The following PKIG variants were observed in gnomAD, a reference collection of about 807,000 sequenced individuals.
PKIG encodes cAMP-dependent protein kinase inhibitor gamma.
In PKIG, 1 loss-of-function variant was observed where a neutral mutation model predicts 6.8. That is an observed-to-expected ratio of 0.15 (90% CI 0.05 to 0.69). The LOEUF (loss-of-function observed/expected upper bound fraction) is 0.69. PKIG is among the 30% of genes least tolerant of loss of function. PKIG has a pLI of 0.82. For missense variants in PKIG, 77 were observed against 104.0 expected (o/e 0.74, Z 1.13); for synonymous variants, 39 against 43.0 (o/e 0.91, Z 0.36).
chr20:44,533,135 T>A (rs1010499636), intron 1 of PKIG, among the ~76,000 whole-genome samples: 3 of 152,214 alleles, frequency 2.0e-5, no homozygotes, highest in Non-Finnish European at 4.4e-5. Context: ...CATCTGTTTT[T>A]CACTTTGCAG....
At chr20:44,544,689 G>A (rs1157270461) in intron 1 of PKIG, among the ~76,000 whole-genome samples, 2 of 152,152 alleles carry the variant, frequency 1.3e-5, no homozygotes, top group Non-Finnish European at 2.9e-5. Context: ...ATTCTTACTT[G>A]TGAAGAAGGC....
chr20:44,537,903 T>TGG lies in PKIG; in HGVS notation c.-241+5925_-241+5926insGG, dbSNP rs1255735993. Reference sequence around the variant, plus strand: ...ACCCAGCCATCCTGTAAATATACTTTCTGACTTTAGTAGGAGAAGTATGAA... The same window carrying TGG: ...ACCCAGCCATCCTGTAAATATACTTTGGCTGACTTTAGTAGGAGAAGTATGAA... On this transcript the variant is annotated intron_variant, in intron 1 of 4. Coordinates refer to the PKIG transcript ENST00000372887. Among the ~76,000 whole-genome samples the TGG allele has an allele frequency of 1.3e-3, 192 of 152,252 alleles. 5 individuals are homozygous for TGG. In the East Asian group the frequency reaches 0.034, roughly 27 times the overall value.
At chr20:44,535,727 C>T (rs372830380) in intron 1 of PKIG, among the ~76,000 whole-genome samples, 1 of 152,140 alleles carries the variant, frequency 6.6e-6, no homozygotes, top group African/African-American at 2.4e-5. Flanking sequence ...GATTACGGTA[C>T]AGTATGTTAC....
At position 44,576,336 on chromosome 20, in the gene PKIG, C is replaced by T. The variant is rs74783293; in HGVS notation, c.-240-6249C>T. On this transcript the variant is annotated intron_variant, in intron 1 of 4. Coordinates refer to the PKIG transcript ENST00000372887. ...CAGTCTGGTGGGGAAACACATGGAA[C>T]GTGTACTTATAAATATGTTAAGGGT... 9.8e-3 allele frequency among the ~76,000 whole-genome samples: 1,488 copies of T among 152,022 alleles called. 10 individuals are homozygous for T. The highest frequency in any genetic ancestry group is 0.016 in the Non-Finnish European group (1,064 of 68,004).
intron 2 of PKIG, among the ~76,000 whole-genome samples, chr20:44,593,930 A>G (rs2065055105): frequency 6.6e-6 from 1 of 152,216 alleles, no homozygotes; most frequent in African/African-American, 2.4e-5. Context: ...TCATACCCTG[A>G]GCTGTTGTGT....
At chr20:44,551,533 T>G (rs2064668590) in intron 1 of PKIG, among the ~76,000 whole-genome samples, 1 of 152,198 alleles carries the variant, frequency 6.6e-6, no homozygotes, top group African/African-American at 2.4e-5. Flanking sequence ...CAATTTTTGT[T>G]TCTATAAGAC....
chr20:44,577,409 C>T (rs914500053), intron 1 of PKIG, among the ~76,000 whole-genome samples: 1 of 152,150 alleles, frequency 6.6e-6, no homozygotes, highest in South Asian at 2.1e-4. Context: ...GCTGGGATTA[C>T]AAGCGTCAGC....
chr20:44,582,969 C>CA (rs1186699225), intron 1 of PKIG, among the ~76,000 whole-genome samples: 1 of 152,214 alleles, frequency 6.6e-6, no homozygotes, highest in Non-Finnish European at 1.5e-5. Context: ...CATTTTTACT[C>CA]AAAGAACTTT....
intron 2 of PKIG, among the ~76,000 whole-genome samples, chr20:44,590,309 G>A (rs2065024164): frequency 6.6e-6 from 1 of 152,102 alleles, no homozygotes; most frequent in Non-Finnish European, 1.5e-5. Flanking sequence ...TAATAGAGGA[G>A]CAAAAGCCAG....
intron 1 of PKIG, among the ~76,000 whole-genome samples, chr20:44,548,854 CCACACACACACACACACACACACACA>C (rs11469110): frequency 1.5e-5 from 2 of 135,584 alleles, no homozygotes; most frequent in Non-Finnish European, 3.1e-5. Context: ...ACTCCTCCCA[CCACACACACACACACACACACACACA>C]CACACACACA....
intron 1 of PKIG, among the ~76,000 whole-genome samples, chr20:44,589,047 G>C (rs1005713130): frequency 6.6e-6 from 1 of 152,164 alleles, no homozygotes; most frequent in Non-Finnish European, 1.5e-5. Flanking sequence ...TTCCCAGGGG[G>C]AACCATTGGT....
At chr20:44,579,216 C>A (rs973167078), upstream of PKIG, among the ~76,000 whole-genome samples, 1 of 152,140 alleles carries the variant, frequency 6.6e-6, no homozygotes, top group Admixed American at 6.5e-5. Flanking sequence ...TATGTGTCAT[C>A]AGAGAAAAGG....
chr20:44,608,873 T>C (rs1042917327), intron 2 of PKIG, among the ~76,000 whole-genome samples: 1 of 152,098 alleles, frequency 6.6e-6, no homozygotes, highest in African/African-American at 2.4e-5. Context: ...GATTATTTTC[T>C]TAGAATAGAT....
At position 44,550,762 on chromosome 20, in the gene PKIG, G is replaced by A. The variant is rs569503184; in HGVS notation, c.-241+18784G>A. ...AGATGGAGAAACTGAGGCAGAGAGC[G>A]GGACAGTAACCTGCCTAAGGTCCCA... is the stretch of plus-strand genomic sequence containing the variant. On this transcript the variant is annotated intron_variant, in intron 1 of 4. Coordinates refer to the PKIG transcript ENST00000372887. Among the ~76,000 whole-genome samples, 5 of 152,202 alleles carry A rather than the reference G, an allele frequency of 3.3e-5. No individual in the cohort carries two copies. The South Asian group carries it at 8.3e-4, about 25-fold the overall frequency.
At chr20:44,569,709 A>G (rs1398812627) in intron 1 of PKIG, among the ~76,000 whole-genome samples, 1 of 152,014 alleles carries the variant, frequency 6.6e-6, no homozygotes, top group Non-Finnish European at 1.5e-5. Context: ...CGAGTTCAAG[A>G]GATTCTCCTG....
At chr20:44,540,261 C>T (rs1187159513) in intron 1 of PKIG, among the ~76,000 whole-genome samples, 1 of 151,970 alleles carries the variant, frequency 6.6e-6, no homozygotes, top group Non-Finnish European at 1.5e-5. Context: ...GTGCCTGGCC[C>T]AGTTTTTCCA....
At chr20:44,574,859 C>G (rs928767529) in intron 1 of PKIG, among the ~76,000 whole-genome samples, 6 of 152,166 alleles carry the variant, frequency 3.9e-5, no homozygotes, top group African/African-American at 1.2e-4. Flanking sequence ...CGTGAGCTAC[C>G]GTGCCCAGCC....
At chr20:44,576,249 G>C (rs368691603) in intron 1 of PKIG, among the ~76,000 whole-genome samples, 1 of 151,280 alleles carries the variant, frequency 6.6e-6, no homozygotes, top group South Asian at 2.1e-4. Flanking sequence ...CACTCTTCTA[G>C]GCACTTGGGA....
upstream of PKIG, among the ~76,000 whole-genome samples, chr20:44,581,669 A>C (rs2064949436): frequency 6.6e-6 from 1 of 152,116 alleles, no homozygotes; most frequent in Admixed American, 6.6e-5. Context: ...GCTGCTTTTC[A>C]TGTCCCTAAG....
Sources: allele counts gnomAD v4.1 joint callset (sites outside exome capture counted in the v4.1 genomes callset), GRCh38; gene constraint gnomAD v4.1.1; transcripts MANE v1.5; gene names NCBI Gene and HGNC (gene_info 2026-07-23, HGNC 2026-07-21).